The following CSMD1 variants were observed in gnomAD, a reference collection of about 807,000 sequenced individuals.
CSMD1 encodes CUB and Sushi multiple domains 1.
Under a neutral mutation model 417.5 loss-of-function variants are expected in CSMD1, and 213 were observed. The ratio of observed to expected loss-of-function variants is 0.51; its 90% CI spans 0.46 to 0.57. The LOEUF (loss-of-function observed/expected upper bound fraction) is 0.57, where lower values mean the gene tolerates loss of function less well. CSMD1 is among the 20% of genes least tolerant of loss of function. The pLI is 0.00. For synonymous variants in CSMD1, 2,862 were observed against 1,736.8 expected (o/e 1.65, Z -16.11); for missense variants, 6,923 against 4,529.7 (o/e 1.53, Z -15.17).
intron 51 of CSMD1, among the ~76,000 whole-genome samples, chr8:3,019,115 G>C (rs1809131879): frequency 6.6e-6 from 1 of 152,050 alleles, no homozygotes; most frequent in South Asian, 2.1e-4. Context: ...ACAGTGTTTT[G>C]CCATGTTGGC....
At chr8:4,448,026 G>C (rs944280333) in intron 2 of CSMD1, among the ~76,000 whole-genome samples, 1 of 152,138 alleles carries the variant, frequency 6.6e-6, no homozygotes. Context: ...AAAAACTAAA[G>C]TGGTTCCGCA....
At chr8:3,410,869 T>G (rs1488426964) in intron 12 of CSMD1, among the ~76,000 whole-genome samples, 1 of 152,046 alleles carries the variant, frequency 6.6e-6, no homozygotes, top group Non-Finnish European at 1.5e-5. Flanking sequence ...CTCCCAAAAA[T>G]TAATGTGATT....
intron 10 of CSMD1, among the ~76,000 whole-genome samples, chr8:3,512,125 G>T (rs188591596): frequency 6.6e-6 from 1 of 152,088 alleles, no homozygotes; most frequent in Non-Finnish European, 1.5e-5. Context: ...CCTGGACTGT[G>T]GCCCCAACCA....
chr8:4,782,715 T>A (rs969029841), intron 1 of CSMD1, among the ~76,000 whole-genome samples: 2 of 152,122 alleles, frequency 1.3e-5, no homozygotes, highest in Non-Finnish European at 2.9e-5. Context: ...TCGCTTTAAT[T>A]TGAATCCAAA....
At chr8:4,269,813 C>G (rs1194541585) in intron 3 of CSMD1, among the ~76,000 whole-genome samples, 2 of 152,132 alleles carry the variant, frequency 1.3e-5, no homozygotes, top group South Asian at 2.1e-4. Context: ...AATGAAGTCT[C>G]AGAATTACAA....
At chr8:3,165,300 T>C (rs1475481795) in intron 37 of CSMD1, among the ~76,000 whole-genome samples, 1 of 152,176 alleles carries the variant, frequency 6.6e-6, no homozygotes, top group Non-Finnish European at 1.5e-5. Context: ...AAGCGATTGA[T>C]ATGATCAGAG....
chr8:4,217,453 CTA>C (rs1208162716), intron 3 of CSMD1, among the ~76,000 whole-genome samples: 2 of 152,064 alleles, frequency 1.3e-5, no homozygotes, highest in African/African-American at 4.8e-5. Context: ...TATACCATAG[CTA>C]TACACAGTGA....
chr8:3,111,647 C>T (rs112194801), intron 42 of CSMD1, among the ~76,000 whole-genome samples: 1 of 152,060 alleles, frequency 6.6e-6, no homozygotes, highest in Non-Finnish European at 1.5e-5. Context: ...GCCTGACCAA[C>T]ATGGGGAAAC....
At chr8:4,662,281 TAAG>T (rs938770175) in intron 1 of CSMD1, among the ~76,000 whole-genome samples, 2 of 151,894 alleles carry the variant, frequency 1.3e-5, no homozygotes, top group African/African-American at 4.8e-5. Context: ...TGTAGACAAA[TAAG>T]AGGTTTCTAA....
chr8:3,618,857 C>T (rs1206282644), intron 7 of CSMD1, among the ~76,000 whole-genome samples: 1 of 152,172 alleles, frequency 6.6e-6, no homozygotes, highest in East Asian at 1.9e-4. Context: ...GGCCCAGTGA[C>T]CAGTTTCCTC....
chr8:4,087,639 C>G (rs959847872), intron 3 of CSMD1, among the ~76,000 whole-genome samples: 1 of 152,166 alleles, frequency 6.6e-6, no homozygotes, highest in Admixed American at 6.5e-5. Flanking sequence ...TCGATACTCT[C>G]ACATTCTTAC....
rs753706312 is a variant in CSMD1, at chr8:3,396,202, T to C, written c.2585A>G (p.His862Arg). 2 of 1,559,940 alleles carry C rather than the reference T, an allele frequency of 1.3e-6. No homozygotes were observed. The highest frequency in any genetic ancestry group is 2.4e-5 in the South Asian group (2 of 84,550). The change falls in exon 17 of 70, where the codon CAC (histidine) becomes CGC (arginine). Residue 862 changes from histidine to arginine, a missense_variant. By Grantham distance (29) the His-to-Arg change is conservative. Transcript: ENST00000635120. The stretch of plus-strand genomic sequence containing the variant: ...GGGAAGGTGCAACTCACTCTCATAG[T>C]GGATGAGGAAGCCGATGCTGGAGCG... ...NSRSSIGFLI[H>R]YESVTLESDS... is the part of the protein sequence containing the mutation.
chr8:3,377,787 T>C (rs1810402127), intron 18 of CSMD1, among the ~76,000 whole-genome samples: 1 of 152,178 alleles, frequency 6.6e-6, no homozygotes, highest in African/African-American at 2.4e-5. Context: ...CATGAATGTT[T>C]CCTCAGTTAC....
intron 1 of CSMD1, among the ~76,000 whole-genome samples, chr8:4,901,621 T>C (rs1035703624): frequency 6.6e-6 from 1 of 152,214 alleles, no homozygotes; most frequent in African/African-American, 2.4e-5. Flanking sequence ...GTCCCCATAC[T>C]TCATTTTTAA....
intron 1 of CSMD1, among the ~76,000 whole-genome samples, chr8:4,950,689 G>T (rs1055429620): frequency 3.9e-5 from 6 of 152,270 alleles, no homozygotes; most frequent in Non-Finnish European, 8.8e-5. Context: ...AGTTTACTTT[G>T]ATTACATTGG....
chr8:4,272,358 C>T (rs1283101434), intron 3 of CSMD1, among the ~76,000 whole-genome samples: 6 of 152,128 alleles, frequency 3.9e-5, no homozygotes, highest in Admixed American at 2.0e-4. Context: ...CCACTAATTG[C>T]TGTACATCCT....
At chr8:3,588,780 G>C (rs1383672013) in intron 8 of CSMD1, among the ~76,000 whole-genome samples, 1 of 152,040 alleles carries the variant, frequency 6.6e-6, no homozygotes, top group Non-Finnish European at 1.5e-5. Context: ...ACAACAAACA[G>C]AGTGAAGAGA....
intron 2 of CSMD1, among the ~76,000 whole-genome samples, chr8:4,472,018 A>T (rs1001253841): frequency 1.3e-5 from 2 of 152,188 alleles, no homozygotes; most frequent in Non-Finnish European, 2.9e-5. Flanking sequence ...CATTTCTTCC[A>T]ATTTTTTAAC....
At chr8:4,161,272 A>G (rs1048048697) in intron 3 of CSMD1, among the ~76,000 whole-genome samples, 2 of 152,338 alleles carry the variant, frequency 1.3e-5, no homozygotes, top group South Asian at 4.1e-4. Context: ...CCTTAGAAAC[A>G]TTACATAACT....
Sources: gnomAD v4.1 joint callset for allele counts (sites outside exome capture counted in the v4.1 genomes callset) on GRCh38, gnomAD v4.1.1 for gene constraint, MANE v1.5 for transcripts, NCBI Gene and HGNC (gene_info 2026-07-23, HGNC 2026-07-21) for gene names.